The following XPOT variants were observed in gnomAD, a reference collection of about 807,000 sequenced individuals.
The protein encoded by XPOT is exportin-T.
In XPOT, 34 loss-of-function variants were observed where a neutral mutation model predicts 128.2. That is an observed-to-expected ratio of 0.27 (90% CI 0.20 to 0.35). The LOEUF is 0.35. XPOT is among the 10% of genes least tolerant of loss of function. The probability of loss-of-function intolerance (pLI) is 1.00; values close to 1 mark genes in which losing one functional copy is unlikely to be tolerated. For synonymous variants in XPOT, 348 were observed against 394.3 expected (o/e 0.88, Z 1.39); for missense variants, 838 against 1,125.3 (o/e 0.74, Z 3.65).
chr12:64,436,725 C>T (rs958664202), intron 22 of XPOT, among the ~76,000 whole-genome samples: 4 of 149,456 alleles, frequency 2.7e-5, no homozygotes, highest in South Asian at 4.3e-4. Flanking sequence ...GGAGTACAGG[C>T]GCACGCCACC....
At chr12:64,419,583 A>G (rs1386431174) in intron 6 of XPOT, among the ~76,000 whole-genome samples, 1 of 152,254 alleles carries the variant, frequency 6.6e-6, no homozygotes, top group African/African-American at 2.4e-5. Flanking sequence ...TGTGGGGATT[A>G]CAGGCATGAG....
intron 3 of XPOT, among the ~76,000 whole-genome samples, chr12:64,416,150 T>C (rs1387072879): frequency 6.6e-6 from 1 of 152,208 alleles, no homozygotes; most frequent in Non-Finnish European, 1.5e-5. Flanking sequence ...TTTGCCCCCA[T>C]CTTGTATAAG....
chr12:64,408,708 C>G (rs903619003), intron 1 of XPOT, among the ~76,000 whole-genome samples: 1 of 151,904 alleles, frequency 6.6e-6, no homozygotes. Context: ...GAATCTCACT[C>G]TGTTCTCCAG....
intron 17 of XPOT, among the ~76,000 whole-genome samples, chr12:64,431,201 C>T (rs1400796728): frequency 6.6e-6 from 1 of 152,160 alleles, no homozygotes; most frequent in Non-Finnish European, 1.5e-5. Context: ...GCCTTAGCCT[C>T]CCAAAGTGCT....
At chr12:64,444,972 TAAA>T (rs71092967) in intron 23 of XPOT, 100 bp from the exon 24 acceptor site, 1,164 of 606,014 alleles carry the variant, frequency 1.9e-3, no homozygotes, top group Middle Eastern at 6.0e-3. Flanking sequence ...GACCATCTCT[TAAA>T]AAAAAAAAAA....
rs772388949 is a variant in XPOT, at chr12:64,410,053, A to C, written c.18A>C (p.Leu6=). The C allele has an allele frequency of 1.2e-6, 2 of 1,613,828 alleles. No homozygotes were observed. Among genetic ancestry groups the C allele is most frequent in the African/African-American group, 1.3e-5 (1 of 74,948 alleles). Residue 6 remains leucine (L), a synonymous_variant, in exon 2 of 25, where the codon CTA becomes CTC. Transcript: ENST00000332707. MDEQA[L]LGLNPNADSD... ...CAGCGAGGATGGATGAACAGGCTCT[A>C]TTAGGGCTAAATCCAAATGCTGATT...
intron 23 of XPOT, among the ~76,000 whole-genome samples, chr12:64,443,548 G>A (rs771328490): frequency 3.3e-5 from 5 of 152,000 alleles, no homozygotes; most frequent in Non-Finnish European, 7.4e-5. Context: ...TCTGCCTCCC[G>A]GGTTTAAGCA....
Position 64,431,550 on chromosome 12 carries a change from A to G in XPOT, c.1989A>G (p.Lys663=). 1.2e-6 allele frequency: 2 copies of G among 1,613,466 alleles called. No individual in the cohort carries two copies. Among genetic ancestry groups the G allele is most frequent in the Non-Finnish European group, 1.7e-6 (2 of 1,179,390 alleles). ...HAVGFASRTS[K]AFSNKQTVKQ... Reference sequence around the variant, plus strand: ...TTTGCTTATATAGTCGAACCAGTAAAGCTTTCAGCAACAAACAGACTGTGA... The same window carrying G: ...TTTGCTTATATAGTCGAACCAGTAAGGCTTTCAGCAACAAACAGACTGTGA... Residue 663 remains lysine (K), a synonymous_variant, in exon 18 of 25, where the codon AAA becomes AAG. Coordinates refer to ENST00000332707, the MANE Select transcript of XPOT (RefSeq NM_007235.6).
At chr12:64,438,930 A>G (rs1023325746) in intron 22 of XPOT, among the ~76,000 whole-genome samples, 2 of 152,186 alleles carry the variant, frequency 1.3e-5, no homozygotes, top group African/African-American at 4.8e-5. Flanking sequence ...CACCCGGCCA[A>G]GAACCTTATT....
At chr12:64,445,846 C>T (rs2040363371) in intron 24 of XPOT, among the ~76,000 whole-genome samples, 1 of 152,158 alleles carries the variant, frequency 6.6e-6, no homozygotes, top group Non-Finnish European at 1.5e-5. Flanking sequence ...AGACAAAGCA[C>T]TGTATTAAAT....
chr12:64,445,595 A>C (rs1431391559), intron 24 of XPOT, among the ~76,000 whole-genome samples: 1 of 152,114 alleles, frequency 6.6e-6, no homozygotes, highest in Non-Finnish European at 1.5e-5. Context: ...AAAAAGTGTC[A>C]CGTGTTTATT....
intron 22 of XPOT, among the ~76,000 whole-genome samples, chr12:64,436,696 T>G (rs998379449): frequency 9.9e-5 from 15 of 151,862 alleles, no homozygotes; most frequent in African/African-American, 3.1e-4. Flanking sequence ...TCTTCCCACT[T>G]CAGCCTCCTG....
chr12:64,406,310 G>A (rs572393352), intron 1 of XPOT, among the ~76,000 whole-genome samples: 16 of 150,674 alleles, frequency 1.1e-4, no homozygotes, highest in African/African-American at 3.2e-4. Flanking sequence ...TCCTGACCTC[G>A]TGATCCGCCC....
chr12:64,412,183 C>T (rs760409014), intron 2 of XPOT, among the ~76,000 whole-genome samples: 3 of 151,856 alleles, frequency 2.0e-5, no homozygotes, highest in South Asian at 2.1e-4. Flanking sequence ...CACACCACCA[C>T]GCCTAGCTAA....
In XPOT at chr12:64,406,168, C is replaced by T. The variant is rs2039980135; in HGVS notation, c.-75+1364C>T. ...TCCGCTCACTGCAACCTCCCCCTCC[C>T]GGGTTCATGCGAGTCTTCTGCCTCA... On this transcript the variant is annotated intron_variant, in intron 1 of 24. Transcript: ENST00000332707. Among the ~76,000 whole-genome samples, 2 of 152,234 alleles carry T rather than the reference C, an allele frequency of 1.3e-5. 1 individual carries two copies. Among genetic ancestry groups the T allele is most frequent in the Admixed American group, 1.3e-4 (2 of 15,290 alleles).
chr12:64,448,152 T>C lies in XPOT; in HGVS notation c.*21T>C, dbSNP rs1279399247. ...CCTGAGGACTGGATTTCCCTGTGCC[T>C]ACTTCATGATCATGAATTCCAGTTA... On this transcript the variant is annotated 3_prime_UTR_variant, in exon 25 of 25. Coordinates refer to ENST00000332707, the MANE Select transcript of XPOT (RefSeq NM_007235.6). The C allele has an allele frequency of 1.2e-6, 2 of 1,612,762 alleles. No homozygotes were observed. The highest frequency in any genetic ancestry group is 1.7e-5 in the Admixed American group (1 of 59,994).
At chr12:64,421,528 A>C (rs1246758265) in intron 9 of XPOT, 57 bp downstream of exon 9, 6 of 1,215,340 alleles carry the variant, frequency 4.9e-6, no homozygotes, top group Non-Finnish European at 7.1e-6. Flanking sequence ...GCCATGGAGA[A>C]GTGGAAAATA....
chr12:64,434,314 G>A (rs1199300737), intron 19 of XPOT, among the ~76,000 whole-genome samples, 193 bp from the exon 20 acceptor site: 1 of 152,146 alleles, frequency 6.6e-6, no homozygotes, highest in East Asian at 1.9e-4. Context: ...AGTGTTTAAT[G>A]TTTAAACTTT....
rs543661009 is a variant in XPOT at position 64,449,080 on chromosome 12, G to A, written c.*949G>A. 95 of 152,010 alleles carry A rather than the reference G, an allele frequency of 6.2e-4. No homozygotes were observed. Among genetic ancestry groups the A allele is most frequent in the Non-Finnish European group, 1.1e-3 (72 of 68,178 alleles). 9.4% of individuals were successfully genotyped at this position (152,010 alleles called of 1,614,324 possible). ...TGTGATGGTGCACGCTCGTAATCCCGGCTACTCAGGAGGCTGAGGCAGGAG... is the reference window on the plus strand; with the variant it reads ...TGTGATGGTGCACGCTCGTAATCCCAGCTACTCAGGAGGCTGAGGCAGGAG... On this transcript the variant is annotated 3_prime_UTR_variant, in exon 25 of 25. Coordinates refer to ENST00000332707, the MANE Select transcript of XPOT (RefSeq NM_007235.6).
Sources: allele counts gnomAD v4.1 joint callset (sites outside exome capture counted in the v4.1 genomes callset), GRCh38; gene constraint gnomAD v4.1.1; transcripts MANE v1.5; gene names NCBI Gene and HGNC (gene_info 2026-07-23, HGNC 2026-07-21).